Variants in NCKAP5 observed in about 807,000 individuals in gnomAD.
The protein encoded by NCKAP5 is NCK associated protein 5.
NCKAP5 carries 92 observed loss-of-function variants against 167.0 expected under a neutral mutation model. The ratio of observed to expected loss-of-function variants is 0.55; its 90% confidence interval spans 0.47 to 0.66. The LOEUF is 0.66. Among genes scored for constraint, NCKAP5 ranks in the 30% least tolerant of loss-of-function variants. The pLI is 0.00. For missense variants in NCKAP5, 2,378 were observed against 2,315.0 expected, an observed-to-expected ratio of 1.03 and a Z score of -0.56; for synonymous variants, 891 against 877.4, an observed-to-expected ratio of 1.02 and a Z score of -0.27.
At chr2:132,878,166 G>C (rs547372215) in intron 9 of NCKAP5, among the ~76,000 whole-genome samples, 37 of 152,236 alleles carry the variant, frequency 2.4e-4, no homozygotes, top group African/African-American at 8.2e-4. Context: ...GAGGACGAGG[G>C]CTCTGAGCGC....
chr2:133,422,727 GATATGCAGAA>G (rs1464361849), intron 3 of NCKAP5, among the ~76,000 whole-genome samples: 4 of 152,130 alleles, frequency 2.6e-5, no homozygotes, highest in Non-Finnish European at 5.9e-5. Context: ...AATAGAGATA[GATATGCAGAA>G]CCACTTGGCA....
intron 3 of NCKAP5, among the ~76,000 whole-genome samples, chr2:133,328,673 T>C (rs1376585728): frequency 2.0e-5 from 3 of 152,210 alleles, no homozygotes; most frequent in Non-Finnish European, 2.9e-5. Flanking sequence ...GATATGTTGG[T>C]AACAAGGAGT....
intron 1 of NCKAP5, among the ~76,000 whole-genome samples, chr2:133,563,177 G>T (rs775668746): frequency 6.6e-6 from 1 of 152,066 alleles, no homozygotes; most frequent in Non-Finnish European, 1.5e-5. Context: ...CTAATCCCTG[G>T]ATTACACTCT....
chr2:132,992,051 T>C (rs1222446002), intron 7 of NCKAP5, among the ~76,000 whole-genome samples: 1 of 152,198 alleles, frequency 6.6e-6, no homozygotes, highest in African/African-American at 2.4e-5. Context: ...CTGTCCCTAG[T>C]GCATATGAGA....
chr2:133,132,516 CAA>C (rs1553546863), intron 5 of NCKAP5, among the ~76,000 whole-genome samples: 1 of 146,406 alleles, frequency 6.8e-6, no homozygotes, highest in African/African-American at 2.6e-5. Context: ...CACACACACA[CAA>C]ACCCTGATAA....
intron 5 of NCKAP5, among the ~76,000 whole-genome samples, chr2:133,183,187 AAAG>A (rs145744996): frequency 0.064 from 9,713 of 152,222 alleles, 349 homozygotes; most frequent in African/African-American, 0.095. Flanking sequence ...CAAAATGCTT[AAAG>A]AAGAATTAAC....
At chr2:133,461,073 AC>A (rs1272418747) in intron 3 of NCKAP5, among the ~76,000 whole-genome samples, 1 of 152,154 alleles carries the variant, frequency 6.6e-6, no homozygotes, top group African/African-American at 2.4e-5. Flanking sequence ...AACAAGCAAC[AC>A]AAAGCGCTAC....
intron 19 of NCKAP5, among the ~76,000 whole-genome samples, chr2:132,700,537 A>C (rs2105234987): frequency 6.6e-6 from 1 of 152,286 alleles, no homozygotes; most frequent in East Asian, 1.9e-4. Flanking sequence ...TCAGCTTTCT[A>C]CATATGGCTA....
chr2:132,731,975 T>C lies in NCKAP5; in HGVS notation c.5205A>G (p.Thr1735=). 1 of 1,613,928 alleles carries C rather than the reference T, an allele frequency of 6.2e-7. No individual in the cohort carries two copies. The highest frequency in any genetic ancestry group is 8.5e-7 in the Non-Finnish European group (1 of 1,179,874). ...FPLPDSGNRS[T]GRYLCQPDSP... is the part of the protein sequence containing the mutation. ...AGTCTGGCTGGCATAGGTAGCGTCC[T>C]GTCGAGCGATTTCCCGAGTCTGGGA... is the stretch of plus-strand genomic sequence containing the variant. The change falls in exon 17 of 20, where the codon ACA becomes ACG. Residue 1735 remains threonine, a synonymous_variant. Transcript: ENST00000409261.
chr2:133,275,453 A>C (rs2089685534), intron 4 of NCKAP5, among the ~76,000 whole-genome samples: 1 of 152,080 alleles, frequency 6.6e-6, no homozygotes, highest in Admixed American at 6.6e-5. Flanking sequence ...ATTAAATCTC[A>C]AACTTCAGTA....
intron 5 of NCKAP5, among the ~76,000 whole-genome samples, chr2:133,182,247 A>G (rs1444084853): frequency 6.6e-6 from 1 of 152,216 alleles, no homozygotes; most frequent in African/African-American, 2.4e-5. Context: ...ACCAACAAAT[A>G]GGATCTATTC....
chr2:132,880,283 G>A (rs577367757), intron 8 of NCKAP5, among the ~76,000 whole-genome samples: 3 of 152,246 alleles, frequency 2.0e-5, no homozygotes, highest in Non-Finnish European at 4.4e-5. Flanking sequence ...TAACAACAAC[G>A]TATTGAATAT....
chr2:133,590,627 A>T, the NCKAP5 span, among the ~76,000 whole-genome samples: 1 of 152,152 alleles, frequency 6.6e-6, no homozygotes, highest in South Asian at 2.1e-4. Context: ...ACCCAGCAAA[A>T]GAAAAGTAGA....
chr2:133,463,818 A>G (rs758688639), intron 3 of NCKAP5, among the ~76,000 whole-genome samples: 1 of 152,244 alleles, frequency 6.6e-6, no homozygotes, highest in African/African-American at 2.4e-5. Flanking sequence ...CTTGATTTAT[A>G]TGATGGTGTC....
chr2:132,987,045 C>T lies in NCKAP5; in HGVS notation c.429+7107G>A, dbSNP rs572422018. Among the ~76,000 whole-genome samples, 57 of 152,226 alleles carry T rather than the reference C, an allele frequency of 3.7e-4. No homozygotes were observed. The South Asian group carries it at 0.011, about 28-fold the overall frequency. On this transcript the variant is annotated intron_variant, in intron 7 of 19. Coordinates refer to ENST00000409261, the MANE Select transcript of NCKAP5 (RefSeq NM_207363.3). ...AAGTTGCCAGGTGGAGGTTGCTAGG[C>T]GGAGGGTGCTAAGTGAAAATGCTAT...
At chr2:133,527,756 C>A (rs1685044042) in intron 2 of NCKAP5, among the ~76,000 whole-genome samples, 1 of 151,980 alleles carries the variant, frequency 6.6e-6, no homozygotes, top group South Asian at 2.1e-4. Flanking sequence ...GGGCAGCGGG[C>A]TAAACTCCCT....
chr2:132,911,761 G>A (rs1216488428), intron 8 of NCKAP5, among the ~76,000 whole-genome samples: 5 of 152,146 alleles, frequency 3.3e-5, no homozygotes, highest in Admixed American at 6.5e-5. Context: ...ATCCTAAAGA[G>A]GTAACGGAGA....
chr2:133,253,460 C>A (rs1272774767), intron 4 of NCKAP5, among the ~76,000 whole-genome samples: 1 of 152,200 alleles, frequency 6.6e-6, no homozygotes, highest in Admixed American at 6.5e-5. Flanking sequence ...CTGGGTTTCA[C>A]AAAGGCAGAA....
At chr2:133,069,503 T>G (rs1190052754) in intron 6 of NCKAP5, among the ~76,000 whole-genome samples, 6 of 152,204 alleles carry the variant, frequency 3.9e-5, no homozygotes, top group African/African-American at 1.4e-4. Context: ...GTTAGGCAAT[T>G]GAAATTACAA....
Sources: allele counts gnomAD v4.1 joint callset (sites outside exome capture counted in the v4.1 genomes callset), GRCh38; gene constraint gnomAD v4.1.1; transcripts MANE v1.5; gene names NCBI Gene and HGNC (gene_info 2026-07-23, HGNC 2026-07-21).